Variants in SHLD1 observed in about 807,000 individuals in gnomAD.
The protein encoded by SHLD1 is shieldin complex subunit 1.
Under a neutral mutation model 5.5 loss-of-function variants are expected in SHLD1, and 3 were observed. The ratio of observed to expected loss-of-function variants is 0.54; its 90% CI spans 0.25 to 1.40. The LOEUF (loss-of-function observed/expected upper bound fraction) is 1.40, where lower values mean the gene tolerates loss of function less well. Ranked by LOEUF, SHLD1 falls within the 40% of genes most tolerant of loss-of-function variation. The pLI, the probability that SHLD1 is intolerant of heterozygous loss-of-function variation, is 0.15. For missense variants in SHLD1, 210 were observed against 244.4 expected (o/e 0.86, Z 0.94); for synonymous variants, 92 against 94.3 (o/e 0.98, Z 0.14).
At chr20:5,839,518 TA>T (rs869138795) in intron 2 of SHLD1, among the ~76,000 whole-genome samples, 2 of 147,340 alleles carry the variant, frequency 1.4e-5, no homozygotes, top group Admixed American at 6.9e-5. Flanking sequence ...GATAGATAGA[TA>T]GATAGATGAT....
At chr20:5,839,952 A>T (rs1028169951) in intron 2 of SHLD1, among the ~76,000 whole-genome samples, 2 of 152,208 alleles carry the variant, frequency 1.3e-5, no homozygotes, top group African/African-American at 4.8e-5. Flanking sequence ...TCTAGACCAG[A>T]ATAAAATGCT....
At chr20:5,822,183 C>T (rs2087613557) in intron 2 of SHLD1, among the ~76,000 whole-genome samples, 1 of 152,178 alleles carries the variant, frequency 6.6e-6, no homozygotes, top group Admixed American at 6.5e-5. Flanking sequence ...CAAAGCCAGG[C>T]ATGGTGGCTC....
chr20:5,847,466 A>T (rs776715664), intron 2 of SHLD1, among the ~76,000 whole-genome samples: 3 of 152,226 alleles, frequency 2.0e-5, no homozygotes, highest in Non-Finnish European at 4.4e-5. Flanking sequence ...TTTCCATGTA[A>T]GAGACGGAAA....
intron 2 of SHLD1, among the ~76,000 whole-genome samples, chr20:5,850,858 T>C (rs917009447): frequency 1.3e-5 from 2 of 152,204 alleles, no homozygotes; most frequent in Non-Finnish European, 2.9e-5. Context: ...CATTGCCTCC[T>C]GGAACTTGGC....
At chr20:5,829,642 T>G (rs564459694) in intron 2 of SHLD1, among the ~76,000 whole-genome samples, 10 of 152,358 alleles carry the variant, frequency 6.6e-5, no homozygotes, top group South Asian at 2.1e-4. Context: ...CTTTTCGGCC[T>G]TAATAACCTA....
chr20:5,766,447 C>T (rs186542333), intron 1 of SHLD1, among the ~76,000 whole-genome samples: 1 of 152,274 alleles, frequency 6.6e-6, no homozygotes, highest in East Asian at 1.9e-4. Context: ...AATATGTCTC[C>T]TATCTTTGCC....
At chr20:5,771,863 CTTTTTTTTTTTTT>C (rs34145480) in intron 1 of SHLD1, 11 of 79,424 alleles carry the variant, frequency 1.4e-4, no homozygotes, top group South Asian at 2.9e-4. Context: ...GAACTTTTAC[CTTTTTTTTTTTTT>C]TTTTTTTTTT....
chr20:5,754,019 G>A (rs1314449770), intron 1 of SHLD1, among the ~76,000 whole-genome samples: 4 of 152,092 alleles, frequency 2.6e-5, no homozygotes, highest in African/African-American at 7.2e-5. Flanking sequence ...AAACGACGCC[G>A]CTTCAGAAGT....
chr20:5,752,273 G>A (rs550651696), intron 1 of SHLD1, among the ~76,000 whole-genome samples: 73 of 152,156 alleles, frequency 4.8e-4, no homozygotes, highest in African/African-American at 1.7e-3. Flanking sequence ...GCGTGCGCCT[G>A]TAATCCCAGC....
intron 2 of SHLD1, among the ~76,000 whole-genome samples, chr20:5,799,621 A>G (rs1600134611): frequency 6.6e-6 from 1 of 151,750 alleles, no homozygotes; most frequent in Non-Finnish European, 1.5e-5. Context: ...GCCTTCTGTT[A>G]TCACAGGCCA....
At chr20:5,824,346 A>T (rs189465049) in intron 2 of SHLD1, among the ~76,000 whole-genome samples, 32 of 151,844 alleles carry the variant, frequency 2.1e-4, no homozygotes, top group Middle Eastern at 6.8e-3. Flanking sequence ...GCCTCCATTC[A>T]CCTCGCTCTC....
intron 1 of SHLD1, among the ~76,000 whole-genome samples, chr20:5,753,202 A>C (rs987905220): frequency 6.6e-6 from 1 of 152,248 alleles, no homozygotes; most frequent in East Asian, 1.9e-4. Flanking sequence ...TTAATAAAAA[A>C]AGAAAATCCC....
At chr20:5,764,549 T>A (rs867083259) in intron 1 of SHLD1, among the ~76,000 whole-genome samples, 2,064 of 94,810 alleles carry the variant, frequency 0.022, 24 homozygotes, top group African/African-American at 0.055. Context: ...AAAAAAAAAA[T>A]TTTGCCAAGT....
chr20:5,833,487 G>T (rs547814326), intron 2 of SHLD1, among the ~76,000 whole-genome samples: 1 of 152,046 alleles, frequency 6.6e-6, no homozygotes, highest in Non-Finnish European at 1.5e-5. Flanking sequence ...TGTTTGTTCC[G>T]CTCTGCCCTG....
chr20:5,772,666 C>G (rs1418932070), intron 1 of SHLD1, among the ~76,000 whole-genome samples, 196 bp from the exon 2 acceptor site: 1 of 152,074 alleles, frequency 6.6e-6, no homozygotes, highest in Non-Finnish European at 1.5e-5. Context: ...AATCCCATCA[C>G]TTTGGGAGGC....
chr20:5,811,531 A>G (rs1347489441), intron 2 of SHLD1, among the ~76,000 whole-genome samples: 1 of 151,948 alleles, frequency 6.6e-6, no homozygotes, highest in African/African-American at 2.4e-5. Flanking sequence ...TGGCAGTAGA[A>G]TGGTAGACAA....
At chr20:5,826,674 C>T (rs539955851) in intron 2 of SHLD1, among the ~76,000 whole-genome samples, 10 of 152,078 alleles carry the variant, frequency 6.6e-5, no homozygotes, top group East Asian at 1.9e-4. Context: ...ACTCTGGTAC[C>T]GGACTCTCCT....
chr20:5,763,785 T>C (rs1984611966), intron 1 of SHLD1, among the ~76,000 whole-genome samples: 1 of 151,790 alleles, frequency 6.6e-6, no homozygotes, highest in South Asian at 2.1e-4. Context: ...CTCAGATACT[T>C]TTTGGTTTAC....
intron 2 of SHLD1, among the ~76,000 whole-genome samples, chr20:5,791,628 T>TTAA (rs2087142837): frequency 6.9e-6 from 1 of 145,304 alleles, no homozygotes; most frequent in Admixed American, 6.8e-5. Context: ...TAGCCAAACA[T>TTAA]TGATAAATTG....
Sources: gnomAD v4.1 joint callset for allele counts (sites outside exome capture counted in the v4.1 genomes callset) on GRCh38, gnomAD v4.1.1 for gene constraint, MANE v1.5 for transcripts, NCBI Gene and HGNC (gene_info 2026-07-23, HGNC 2026-07-21) for gene names.